Variants in PACRG observed in about 807,000 individuals in gnomAD.
PACRG encodes the protein parkin coregulated gene protein.
A neutral mutation model predicts 29.7 loss-of-function variants in PACRG; 29 were observed. The ratio of observed to expected loss-of-function variants is 0.98; its 90% CI spans 0.73 to 1.33. The LOEUF is 1.33. Ranked by LOEUF, PACRG falls within the 40% of genes most tolerant of loss-of-function variation. The pLI is 0.00. For synonymous variants in PACRG, 116 were observed against 118.7 expected (o/e 0.98, Z 0.15); for missense variants, 279 against 316.2 (o/e 0.88, Z 0.89).
chr6:163,152,182 G>A (rs1273324837), intron 4 of PACRG, among the ~76,000 whole-genome samples: 2 of 152,122 alleles, frequency 1.3e-5, no homozygotes, highest in Admixed American at 1.3e-4. Context: ...AAAATATTGT[G>A]AATTTAAGAT....
chr6:163,119,833 TTTG>T (rs544816251), intron 4 of PACRG, among the ~76,000 whole-genome samples: 14 of 152,224 alleles, frequency 9.2e-5, no homozygotes, highest in East Asian at 3.9e-4. Flanking sequence ...TTTATGTATT[TTTG>T]TTGTTGTTGT....
intron 4 of PACRG, among the ~76,000 whole-genome samples, chr6:163,110,402 T>C (rs1044755384): frequency 1.3e-5 from 2 of 152,198 alleles, no homozygotes; most frequent in African/African-American, 4.8e-5. Flanking sequence ...CACAAATATA[T>C]ATAATTACAC....
At chr6:163,151,853 TG>T (rs1433794705) in intron 4 of PACRG, among the ~76,000 whole-genome samples, 2 of 152,264 alleles carry the variant, frequency 1.3e-5, no homozygotes, top group Non-Finnish European at 2.9e-5. Flanking sequence ...ATTAGAAATT[TG>T]CAGATGTGTT....
intron 2 of PACRG, among the ~76,000 whole-genome samples, chr6:162,900,691 C>T (rs1795498330): frequency 6.6e-6 from 1 of 152,150 alleles, no homozygotes. Context: ...CCGGCTTCCC[C>T]GCCATCCCCC....
rs190096009 is a variant in PACRG, at chr6:163,303,190, C to T, written c.614-11637C>T. On this transcript the variant is annotated intron_variant, in intron 4 of 4. Transcript: ENST00000366888. ...TACAAAGATAAAAAAATTAACCAGG[C>T]GTGGTAGTGCGTGGTCCCAGCTACT... Among the ~76,000 whole-genome samples the T allele has an allele frequency of 2.9e-3, 445 of 152,044 alleles. 2 individuals are homozygous for T. The highest frequency in any genetic ancestry group is 0.01 in the African/African-American group (431 of 41,482).
Position 163,031,452 on chromosome 6 carries a change from C to G in PACRG, c.292-30698C>G, listed in dbSNP as rs560074043. Among the ~76,000 whole-genome samples the G allele has an allele frequency of 2.6e-5, 4 of 152,196 alleles. No individual in the cohort carries two copies. In the East Asian group the frequency reaches 5.8e-4, roughly 22 times the overall value. ...GGTTTGCAGGAATAAGCACGGTTAG[C>G]CTAAATTGCAAAAACAAACTTAAAA... On this transcript the variant is annotated intron_variant, in intron 2 of 4. Transcript: ENST00000366888.
chr6:162,917,494 T>C (rs1330854428), intron 2 of PACRG, among the ~76,000 whole-genome samples: 1 of 152,170 alleles, frequency 6.6e-6, no homozygotes, highest in Non-Finnish European at 1.5e-5. Flanking sequence ...ACTTCTGCCT[T>C]GTAGTCAGGG....
intron 4 of PACRG, among the ~76,000 whole-genome samples, chr6:163,272,468 C>T (rs1433376578): frequency 6.6e-6 from 1 of 152,128 alleles, no homozygotes; most frequent in Admixed American, 6.5e-5. Context: ...TTCTCCTTCC[C>T]AAGTTTTTTA....
intron 4 of PACRG, among the ~76,000 whole-genome samples, chr6:163,188,610 A>G (rs893747305): frequency 3.7e-4 from 57 of 152,072 alleles, no homozygotes; most frequent in African/African-American, 1.3e-3. Flanking sequence ...AAAGGTGAAG[A>G]CTCTTTGATT....
intron 2 of PACRG, among the ~76,000 whole-genome samples, chr6:162,953,918 T>A (rs1799836720): frequency 6.6e-6 from 1 of 152,212 alleles, no homozygotes; most frequent in African/African-American, 2.4e-5. Context: ...TACTGCCTTT[T>A]AAAAATCTAT....
chr6:163,138,327 G>A (rs1817019968), intron 4 of PACRG, among the ~76,000 whole-genome samples: 1 of 152,120 alleles, frequency 6.6e-6, no homozygotes, highest in Non-Finnish European at 1.5e-5. Context: ...ACAACCATGG[G>A]GGCGTATCTG....
At chr6:162,968,269 T>C (rs553356683) in intron 2 of PACRG, among the ~76,000 whole-genome samples, 78 of 152,316 alleles carry the variant, frequency 5.1e-4, no homozygotes, top group Non-Finnish European at 8.5e-4. Flanking sequence ...CTTCAGAAAA[T>C]AGCATTGGTT....
chr6:162,822,685 G>T (rs1468873988), intron 2 of PACRG, among the ~76,000 whole-genome samples: 1 of 151,814 alleles, frequency 6.6e-6, no homozygotes, highest in East Asian at 1.9e-4. Context: ...AAAAAAAACA[G>T]GTATATGGTT....
intron 4 of PACRG, among the ~76,000 whole-genome samples, chr6:163,275,619 G>A (rs80017060): frequency 0.011 from 1,704 of 152,156 alleles, 34 homozygotes; most frequent in African/African-American, 0.039. Flanking sequence ...ACTGTCCTTC[G>A]ACCTAGAAGG....
chr6:163,000,872 T>A (rs1281919194), intron 2 of PACRG, among the ~76,000 whole-genome samples: 1 of 152,118 alleles, frequency 6.6e-6, no homozygotes, highest in Non-Finnish European at 1.5e-5. Context: ...AAATGTGAAA[T>A]TACCTATGAG....
rs1215504803 is a variant in PACRG at position 163,154,382 on chromosome 6, C to T, written c.613+64974C>T. Among the ~76,000 whole-genome samples, 3 of 152,362 alleles carry T rather than the reference C, an allele frequency of 2.0e-5. No homozygotes were observed. In the East Asian group the frequency reaches 5.8e-4, roughly 29 times the overall value. On this transcript the variant is annotated intron_variant, in intron 4 of 4. Transcript: ENST00000366888. ...ATTAGCTAAGGGGCTGTCTTGGCAG[C>T]TCCAGGAGATGGGCTGATAGTTCAT...
At chr6:162,769,579 T>G (rs1783056586) in intron 1 of PACRG, among the ~76,000 whole-genome samples, 1 of 152,032 alleles carries the variant, frequency 6.6e-6, no homozygotes, top group Non-Finnish European at 1.5e-5. Context: ...GCCATGATGA[T>G]CCAGAGGATA....
chr6:163,168,692 C>T (rs1007126721), intron 4 of PACRG, among the ~76,000 whole-genome samples: 6 of 152,124 alleles, frequency 3.9e-5, no homozygotes, highest in Admixed American at 2.0e-4. Context: ...TATAATCAAA[C>T]GAAAGACCAC....
intron 2 of PACRG, among the ~76,000 whole-genome samples, chr6:162,976,501 G>GA (rs747859588): frequency 2.5e-4 from 38 of 152,148 alleles, no homozygotes; most frequent in Non-Finnish European, 2.8e-4. Flanking sequence ...GAATGAGTTG[G>GA]AGGCAGTGCT....
Sources: allele counts gnomAD v4.1 joint callset (sites outside exome capture counted in the v4.1 genomes callset), GRCh38; gene constraint gnomAD v4.1.1; transcripts MANE v1.5; gene names NCBI Gene and HGNC (gene_info 2026-07-23, HGNC 2026-07-21).